LONP1: variants seen among roughly 807,000 people sequenced by gnomAD.
LONP1 encodes lon peptidase 1, mitochondrial.
A neutral mutation model predicts 98.5 loss-of-function variants in LONP1; 31 were observed. The observed-to-expected ratio is 0.31, with a 90% CI of 0.24 to 0.42. The LOEUF (loss-of-function observed/expected upper bound fraction) is 0.42, where lower values mean the gene tolerates loss of function less well. Ranked by LOEUF, LONP1 falls within the 20% of genes least tolerant of loss-of-function variation. The pLI is 1.00. For missense variants in LONP1, 1,336 were observed against 1,350.6 expected (o/e 0.99, Z 0.17); for synonymous variants, 781 against 594.7 (o/e 1.31, Z -4.56).
intron 6 of LONP1, 133 bp downstream of exon 6, chr19:5,707,564 T>G (rs1599469413): frequency 6.6e-6 from 6 of 902,510 alleles, no homozygotes; most frequent in East Asian, 2.4e-5. Context: ...GTGTGGATGG[T>G]GCACGGTGGA....
At position 5,692,024 on chromosome 19, in the gene LONP1, G is replaced by C; in HGVS notation, c.*8C>G. On this transcript the variant is annotated 3_prime_UTR_variant, in exon 18 of 18. Transcript: ENST00000360614. ...TGACATCCGCCGCCTGCAGTCCCGG[G>C]GTGGCCGTCACCGTTCCACGGCCAG... The C allele has an allele frequency of 1.2e-6, 2 of 1,609,802 alleles. No homozygotes were observed. Among genetic ancestry groups the C allele is most frequent in the South Asian group, 2.2e-5 (2 of 90,608 alleles).
At chr19:5,701,640 G>A (rs1446317422) in intron 8 of LONP1, among the ~76,000 whole-genome samples, 1 of 152,298 alleles carries the variant, frequency 6.6e-6, no homozygotes, top group Non-Finnish European at 1.5e-5. Context: ...GTGCTCAATG[G>A]TGCCCAGGCT....
chr19:5,692,386 C>T (rs1032712205), intron 17 of LONP1, 178 bp from the exon 18 acceptor site: 12 of 570,622 alleles, frequency 2.1e-5, no homozygotes, highest in Non-Finnish European at 3.0e-5. Flanking sequence ...AGGCTCAAGG[C>T]AAAACCACTG....
chr19:5,693,163 GCCAGAGAGACCTGCTTCCAAAGC>G (rs2067365568), intron 17 of LONP1, 112 bp downstream of exon 17: 4 of 1,102,952 alleles, frequency 3.6e-6, no homozygotes, highest in Non-Finnish European at 5.1e-6. Flanking sequence ...CCAGCTCCAG[GCCAGAGAGACCTGCTTCCAAAGC>G]CCAGGGCTTC....
At chr19:5,705,302 C>T (rs1422770415) in intron 8 of LONP1, among the ~76,000 whole-genome samples, 3 of 151,966 alleles carry the variant, frequency 2.0e-5, no homozygotes, top group African/African-American at 4.8e-5. Flanking sequence ...CCTAAAAATA[C>T]AAAAAATTAA....
intron 17 of LONP1, 81 bp from the exon 18 acceptor site, chr19:5,692,289 T>A: frequency 7.1e-7 from 1 of 1,400,664 alleles, no homozygotes; most frequent in Non-Finnish European, 9.8e-7. Context: ...CGAAAGGGCT[T>A]CCTGGGGACC....
At chr19:5,706,919 A>C in intron 7 of LONP1, 141 bp downstream of exon 7, 1 of 659,704 alleles carries the variant, frequency 1.5e-6, no homozygotes, top group Non-Finnish European at 2.7e-6. Flanking sequence ...GATGGCACGA[A>C]GCCCTCAAAA....
chr19:5,694,945 C>T (rs757824062), intron 13 of LONP1, 44 bp from the exon 14 acceptor site: 3 of 1,574,546 alleles, frequency 1.9e-6, no homozygotes, highest in Middle Eastern at 2.1e-4. Context: ...GGACCTTGCC[C>T]ACCAGCTCAG....
intron 14 of LONP1, 86 bp from the exon 15 acceptor site, chr19:5,694,638 C>CGGTCGCGGGGTGGTGGGGTGAT: frequency 6.6e-7 from 1 of 1,522,926 alleles, no homozygotes. Context: ...AAAGGTGTGA[C>CGGTCGCGGGGTGGTGGGGTGAT]GGGCGCGGGG....
chr19:5,707,412 G>A (rs1599469175), intron 6 of LONP1, among the ~76,000 whole-genome samples: 1 of 152,198 alleles, frequency 6.6e-6, no homozygotes, highest in Non-Finnish European at 1.5e-5. Flanking sequence ...AACGCCCCGG[G>A]TACACGGCCC....
chr19:5,720,349 C>T, upstream of LONP1: 1 of 711,130 alleles, frequency 1.4e-6, no homozygotes, highest in Middle Eastern at 4.1e-4. Context: ...AGGCCTTTTC[C>T]GGTCACGTGG....
At position 5,714,310 on chromosome 19, in the gene LONP1, A is replaced by AT. The variant is rs769200423; in HGVS notation, c.430-40dup. 2.5e-3 allele frequency: 3,434 copies of AT among 1,347,046 alleles called. 1 individual carries two copies. Among genetic ancestry groups the AT allele is most frequent in the Non-Finnish European group, 2.8e-3 (2,688 of 966,248 alleles). 83.4% of individuals were successfully genotyped at this position (1,347,046 alleles called of 1,614,324 possible). A position where few individuals can be genotyped will look rare whatever the true frequency, so the allele number is the denominator to read the frequency against. On this transcript the variant is annotated intron_variant, in intron 1 of 17. Coordinates refer to ENST00000360614, the MANE Select transcript of LONP1 (RefSeq NM_004793.4). ...GACCCCAAAGTGAAATGCAGAGTAG[A>AT]TTTTTTTTTTGAGACAGAGTCTCAT...
chr19:5,701,496 G>C (rs1568318012), intron 8 of LONP1, among the ~76,000 whole-genome samples: 1 of 152,130 alleles, frequency 6.6e-6, no homozygotes, highest in Non-Finnish European at 1.5e-5. Flanking sequence ...ACGCCTGACT[G>C]GTTTTCCTAT....
At position 5,699,068 on chromosome 19, in the gene LONP1, G is replaced by A. The variant is rs201396926; in HGVS notation, c.1644C>T (p.Ser548=). 306 of 1,608,888 alleles carry A rather than the reference G, an allele frequency of 1.9e-4. No homozygotes were observed. Among genetic ancestry groups the A allele is most frequent in the Non-Finnish European group, 2.3e-4 (274 of 1,177,168 alleles). ...RALNREYFRF[S]VGGMTDVAEI... ...CAGCCACGTCAGTCATGCCCCCGAC[G>A]CTGAAGCGGAAGTACTCTCGGTTCA... Residue 548 remains serine (S), a synonymous_variant, in exon 10 of 18, where the codon AGC becomes AGT. Coordinates refer to ENST00000360614, the MANE Select transcript of LONP1 (RefSeq NM_004793.4).
chr19:5,698,339 G>A (rs537081089), intron 10 of LONP1, among the ~76,000 whole-genome samples: 13 of 152,318 alleles, frequency 8.5e-5, no homozygotes, highest in African/African-American at 2.9e-4. Flanking sequence ...ATGGAAACAC[G>A]TGGTGGACTC....
At chr19:5,716,259 CATATATATATATATATATAT>C (rs3082272) in intron 1 of LONP1, among the ~76,000 whole-genome samples, 1,139 of 77,232 alleles carry the variant, frequency 0.015, 70 homozygotes, top group Non-Finnish European at 0.019. Flanking sequence ...TTAAAATATA[CATATATATATATATATATAT>C]ATATATATAT....
chr19:5,697,312 C>T (rs934204975), intron 10 of LONP1, among the ~76,000 whole-genome samples: 5 of 151,806 alleles, frequency 3.3e-5, no homozygotes, highest in African/African-American at 1.2e-4. Flanking sequence ...GTGTGTGACA[C>T]TTTAAGTGTG....
At chr19:5,698,068 C>T (rs1278904963) in intron 10 of LONP1, among the ~76,000 whole-genome samples, 1 of 149,098 alleles carries the variant, frequency 6.7e-6, no homozygotes, top group Non-Finnish European at 1.5e-5. Flanking sequence ...TGTCCTCCCC[C>T]TCACACCCCC....
Position 5,693,622 on chromosome 19 carries a change from G to C in LONP1, c.2468C>G (p.Ala823Gly). The change falls in exon 16 of 18, where the codon GCC (alanine) becomes GGC (glycine). Residue 823 changes from alanine (A) to glycine (G), a missense_variant. By Grantham distance (60) the Ala-to-Gly change is moderately conservative. Transcript: ENST00000360614. ...GGCGGGGGCGTGCTGCATGAGGAAG[G>C]CTCTGGCGAAGGTGTAGGCTATGCG... The part of the protein sequence containing the change: ...SARIAYTFAR[A>G]FLMQHAPAND... 1.9e-6 allele frequency: 3 copies of C among 1,614,074 alleles called. No homozygotes were observed. Among genetic ancestry groups the C allele is most frequent in the Non-Finnish European group, 2.5e-6 (3 of 1,179,996 alleles).
Sources: allele counts gnomAD v4.1 joint callset (sites outside exome capture counted in the v4.1 genomes callset), GRCh38; gene constraint gnomAD v4.1.1; transcripts MANE v1.5; gene names NCBI Gene and HGNC (gene_info 2026-07-23, HGNC 2026-07-21).